CHRM3: variants seen among roughly 807,000 people sequenced by gnomAD.
CHRM3 encodes the protein muscarinic acetylcholine receptor M3.
Under a neutral mutation model 41.8 loss-of-function variants are expected in CHRM3, and 11 were observed. The ratio of observed to expected loss-of-function variants is 0.26; its 90% CI spans 0.17 to 0.44. The LOEUF is 0.44. Ranked by LOEUF, CHRM3 falls within the 20% of genes least tolerant of loss-of-function variation. The pLI is 1.00. For synonymous variants in CHRM3, 297 were observed against 301.4 expected, an observed-to-expected ratio of 0.99 and a Z score of 0.15; for missense variants, 571 against 745.4, an observed-to-expected ratio of 0.77 and a Z score of 2.72.
chr1:239,493,817 A>G (rs1414137090), intron 2 of CHRM3, among the ~76,000 whole-genome samples: 2 of 152,216 alleles, frequency 1.3e-5, no homozygotes, highest in Non-Finnish European at 2.9e-5. Flanking sequence ...GTAAAACTAT[A>G]CTTCTGCCCA....
At chr1:239,544,802 T>A (rs1406077888) in intron 2 of CHRM3, among the ~76,000 whole-genome samples, 1 of 152,214 alleles carries the variant, frequency 6.6e-6, no homozygotes, top group Non-Finnish European at 1.5e-5. Context: ...AGAGAACCAA[T>A]GAGATGTATC....
At chr1:239,401,698 G>T (rs1659991133) in intron 1 of CHRM3, among the ~76,000 whole-genome samples, 3 of 151,830 alleles carry the variant, frequency 2.0e-5, no homozygotes, top group Non-Finnish European at 4.4e-5. Flanking sequence ...TCACCATGTT[G>T]GCCAGGATGG....
intron 6 of CHRM3, among the ~76,000 whole-genome samples, chr1:239,857,443 A>G (rs1009340402): frequency 2.6e-5 from 4 of 152,132 alleles, no homozygotes; most frequent in African/African-American, 9.7e-5. Flanking sequence ...GATAAGTTTT[A>G]TTGCTTTGAA....
At position 239,516,583 on chromosome 1, in the gene CHRM3, C is replaced by T. The variant is rs926526843; in HGVS notation, c.-422+23776C>T. On this transcript the variant is annotated intron_variant, in intron 2 of 6. Coordinates refer to ENST00000676153, the MANE Select transcript of CHRM3 (RefSeq NM_001375978.1). The stretch of plus-strand genomic sequence containing the variant: ...GTATGAGATAGCAGGCGTTCACAGC[C>T]TCTTGAAGCTTCAGTTCCTTTACGC... Among the ~76,000 whole-genome samples the T allele has an allele frequency of 2.6e-5, 4 of 152,274 alleles. No individual in the cohort carries two copies. The South Asian group carries it at 8.3e-4, about 32-fold the overall frequency.
intron 5 of CHRM3, among the ~76,000 whole-genome samples, chr1:239,759,945 C>T (rs1036730888): frequency 3.4e-4 from 51 of 152,062 alleles, no homozygotes; most frequent in African/African-American, 1.1e-3. Flanking sequence ...GATGGAGTCT[C>T]GCTCCATCGC....
chr1:239,839,077 C>T (rs891845387), intron 6 of CHRM3, among the ~76,000 whole-genome samples: 9 of 152,178 alleles, frequency 5.9e-5, no homozygotes, highest in African/African-American at 1.4e-4. Context: ...TTCTTCCATT[C>T]GATTGGCCCT....
At chr1:239,806,326 G>T (rs1362434948) in intron 5 of CHRM3, among the ~76,000 whole-genome samples, 2 of 151,700 alleles carry the variant, frequency 1.3e-5, no homozygotes, top group Admixed American at 1.3e-4. Context: ...CCAATGGGAT[G>T]GAGTTACACA....
intron 5 of CHRM3, among the ~76,000 whole-genome samples, chr1:239,780,460 T>C (rs1268537913): frequency 1.3e-5 from 2 of 152,218 alleles, no homozygotes; most frequent in Non-Finnish European, 2.9e-5. Context: ...GACCATTTTT[T>C]AATCAGGTGG....
chr1:239,434,780 A>T (rs1663103022), intron 1 of CHRM3, among the ~76,000 whole-genome samples: 1 of 152,174 alleles, frequency 6.6e-6, no homozygotes. Context: ...AGGGAGAAGG[A>T]GAGAAAGAGA....
At chr1:239,771,835 C>A (rs1667700836) in intron 5 of CHRM3, among the ~76,000 whole-genome samples, 1 of 152,154 alleles carries the variant, frequency 6.6e-6, no homozygotes, top group Non-Finnish European at 1.5e-5. Flanking sequence ...GATAAATATG[C>A]AGATATGAAA....
chr1:239,742,748 A>G (rs1195582751), intron 5 of CHRM3, among the ~76,000 whole-genome samples: 1 of 152,226 alleles, frequency 6.6e-6, no homozygotes, highest in Non-Finnish European at 1.5e-5. Context: ...TGCAAATAAG[A>G]GAAATAACAA....
chr1:239,638,854 A>G lies in CHRM3; in HGVS notation c.-250+6568A>G, dbSNP rs1162033485. Among the ~76,000 whole-genome samples, 5 of 152,234 alleles carry G rather than the reference A, an allele frequency of 3.3e-5. 1 individual carries two copies. Among genetic ancestry groups the G allele is most frequent in the South Asian group, 4.1e-4 (2 of 4,828 alleles). ...GTCCTTGCCCATGTCTATGTCCTGAATGGTAATGCCTAGGTTTTCTTCTAG... is the reference window on the plus strand; with the variant it reads ...GTCCTTGCCCATGTCTATGTCCTGAGTGGTAATGCCTAGGTTTTCTTCTAG... On this transcript the variant is annotated intron_variant, in intron 4 of 6. Transcript: ENST00000676153.
intron 4 of CHRM3, among the ~76,000 whole-genome samples, chr1:239,669,079 T>C (rs1674102114): frequency 6.6e-6 from 1 of 152,160 alleles, no homozygotes; most frequent in East Asian, 1.9e-4. Context: ...GTCAGCATGG[T>C]GTGGAGCCTG....
chr1:239,653,861 TAGCAAGAG>T (rs1672464844), intron 4 of CHRM3, among the ~76,000 whole-genome samples: 1 of 151,838 alleles, frequency 6.6e-6, no homozygotes, highest in Admixed American at 6.6e-5. Context: ...TTGGAGGAAA[TAGCAAGAG>T]AGGAGAAAAA....
chr1:239,591,580 C>G (rs778125104), intron 3 of CHRM3, among the ~76,000 whole-genome samples: 17 of 151,430 alleles, frequency 1.1e-4, no homozygotes, highest in Non-Finnish European at 2.1e-4. Flanking sequence ...CAAAATTCAC[C>G]ATGCGTGCCG....
chr1:239,542,563 T>G (rs1002530446), intron 2 of CHRM3, among the ~76,000 whole-genome samples: 6 of 152,194 alleles, frequency 3.9e-5, no homozygotes, highest in African/African-American at 1.4e-4. Context: ...ATATTTTGTC[T>G]TACAACTCTC....
At chr1:239,514,582 G>A (rs759602718) in intron 2 of CHRM3, among the ~76,000 whole-genome samples, 37 of 151,760 alleles carry the variant, frequency 2.4e-4, no homozygotes, top group African/African-American at 3.1e-4. Flanking sequence ...TTTATTTCTC[G>A]CTTATCAATC....
At chr1:239,645,685 A>G (rs796277348) in intron 4 of CHRM3, among the ~76,000 whole-genome samples, 14 of 152,344 alleles carry the variant, frequency 9.2e-5, no homozygotes, top group African/African-American at 3.4e-4. Context: ...TAGTGTTTAT[A>G]TCAAAAACAA....
intron 6 of CHRM3, among the ~76,000 whole-genome samples, chr1:239,852,201 T>C (rs1344989287): frequency 6.6e-6 from 1 of 152,140 alleles, no homozygotes; most frequent in Non-Finnish European, 1.5e-5. Flanking sequence ...TGGAAAATAT[T>C]TTGGGAAAGG....
Sources: gnomAD v4.1 joint callset for allele counts (sites outside exome capture counted in the v4.1 genomes callset) on GRCh38, gnomAD v4.1.1 for gene constraint, MANE v1.5 for transcripts, NCBI Gene and HGNC (gene_info 2026-07-23, HGNC 2026-07-21) for gene names.